Variants in NRXN3 observed in about 807,000 individuals in gnomAD.
The protein encoded by NRXN3 is neurexin III.
A neutral mutation model predicts 137.6 loss-of-function variants in NRXN3; 32 were observed. The ratio of observed to expected loss-of-function variants is 0.23; its 90% CI spans 0.18 to 0.31. The LOEUF is 0.31. Ranked by LOEUF, NRXN3 falls within the 10% of genes least tolerant of loss-of-function variation. NRXN3 has a pLI of 1.00. For missense variants in NRXN3, 1,574 were observed against 2,062.5 expected (o/e 0.76, Z 4.59); for synonymous variants, 798 against 784.5 (o/e 1.02, Z -0.29).
intron 4 of NRXN3, among the ~76,000 whole-genome samples, chr14:78,629,966 C>A (rs879359171): frequency 6.6e-6 from 1 of 152,198 alleles, no homozygotes; most frequent in African/African-American, 2.4e-5. Flanking sequence ...CACACTAACT[C>A]GATGCCCTTT....
At chr14:78,315,465 C>G (rs2078595049) in intron 4 of NRXN3, among the ~76,000 whole-genome samples, 1 of 152,200 alleles carries the variant, frequency 6.6e-6, no homozygotes, top group Admixed American at 6.5e-5. Flanking sequence ...TTGAGACACG[C>G]TGTGTTACAG....
At chr14:78,945,669 G>A (rs1467527576) in intron 10 of NRXN3, among the ~76,000 whole-genome samples, 1 of 152,164 alleles carries the variant, frequency 6.6e-6, no homozygotes, top group African/African-American at 2.4e-5. Context: ...GTTGTTAATG[G>A]GACCCATGTG....
chr14:78,559,879 A>G (rs2096771302), intron 4 of NRXN3, among the ~76,000 whole-genome samples: 1 of 152,214 alleles, frequency 6.6e-6, no homozygotes, highest in South Asian at 2.1e-4. Context: ...TGTGTCTCTT[A>G]TGACAACTAA....
chr14:79,040,383 T>A (rs2099623168), intron 15 of NRXN3, among the ~76,000 whole-genome samples: 1 of 152,140 alleles, frequency 6.6e-6, no homozygotes, highest in Admixed American at 6.6e-5. Flanking sequence ...CTAACAAAGA[T>A]TTAACCAAAA....
chr14:79,406,520 C>T (rs1475585586), intron 15 of NRXN3, among the ~76,000 whole-genome samples: 1 of 151,894 alleles, frequency 6.6e-6, no homozygotes, highest in African/African-American at 2.4e-5. Context: ...CCCAGCTGGT[C>T]TAGATCTCCT....
At chr14:78,310,313 G>C (rs138070487) in intron 4 of NRXN3, among the ~76,000 whole-genome samples, 1 of 132,454 alleles carries the variant, frequency 7.5e-6, no homozygotes, top group African/African-American at 2.9e-5. Flanking sequence ...TGAAGGAATT[G>C]CTTTCTGGTA....
intron 16 of NRXN3, among the ~76,000 whole-genome samples, chr14:79,574,748 A>G (rs570915975): frequency 1.3e-5 from 2 of 152,228 alleles, no homozygotes; most frequent in Admixed American, 6.5e-5. Flanking sequence ...TTTGGCCCAC[A>G]ATAAAGAAGA....
chr14:79,613,823 T>A (rs1272655092), intron 16 of NRXN3, among the ~76,000 whole-genome samples: 1 of 152,238 alleles, frequency 6.6e-6, no homozygotes, highest in Non-Finnish European at 1.5e-5. Flanking sequence ...TCATTTTAGC[T>A]TAGCAGGAAA....
chr14:79,351,088 A>C (rs921582546), intron 15 of NRXN3, among the ~76,000 whole-genome samples: 6 of 152,120 alleles, frequency 3.9e-5, no homozygotes, highest in African/African-American at 1.4e-4. Flanking sequence ...ATACTTTCAA[A>C]CTTTCAACTA....
chr14:79,316,746 C>CTCTCTCTG (rs2153233980), intron 15 of NRXN3, among the ~76,000 whole-genome samples: 1 of 152,028 alleles, frequency 6.6e-6, no homozygotes, highest in African/African-American at 2.4e-5. Context: ...CTCTCTCTCT[C>CTCTCTCTG]TCTCTCTCTC....
chr14:79,396,817 C>A (rs1446901953), intron 15 of NRXN3, among the ~76,000 whole-genome samples: 1 of 152,146 alleles, frequency 6.6e-6, no homozygotes, highest in African/African-American at 2.4e-5. Flanking sequence ...TCTTTTTCAA[C>A]TACTACATAT....
Position 79,641,591 on chromosome 14 carries a change from G to T in NRXN3, c.3445-22187G>T, listed in dbSNP as rs528302618. Reference sequence around the variant, plus strand: ...CTCCTTTGGACTGCAGGTCAGCTAGGATTGGCTCCAGGCTGGGATTAGGTT... The same window carrying T: ...CTCCTTTGGACTGCAGGTCAGCTAGTATTGGCTCCAGGCTGGGATTAGGTT... On this transcript the variant is annotated intron_variant, in intron 16 of 20. Coordinates refer to ENST00000335750, the MANE Select transcript of NRXN3 (RefSeq NM_001330195.2). Among the ~76,000 whole-genome samples, 3 of 135,226 alleles carry T rather than the reference G, an allele frequency of 2.2e-5. 1 individual carries two copies. The highest frequency in any genetic ancestry group is 3.4e-5 in the Non-Finnish European group (2 of 58,130). The allele number at this position is 135,226 out of a possible 152,430, so 88.7% of individuals were successfully genotyped here.
At chr14:79,334,630 C>T (rs2153341504) in intron 15 of NRXN3, among the ~76,000 whole-genome samples, 1 of 152,226 alleles carries the variant, frequency 6.6e-6, no homozygotes, top group African/African-American at 2.4e-5. Context: ...TTAAAATCAT[C>T]TTGGCGGCTG....
intron 15 of NRXN3, among the ~76,000 whole-genome samples, chr14:79,359,579 T>C (rs2093613092): frequency 6.6e-6 from 1 of 151,104 alleles, no homozygotes; most frequent in African/African-American, 2.4e-5. Context: ...TCTTTTTTTT[T>C]TTTTTTTTGG....
At chr14:79,641,545 G>T (rs77225340) in intron 16 of NRXN3, among the ~76,000 whole-genome samples, 2,081 of 135,548 alleles carry the variant, frequency 0.015, 184 homozygotes, top group African/African-American at 0.048. Flanking sequence ...GCTTGTCTCC[G>T]CTGGGCTCAG....
chr14:78,882,238 G>A (rs911772867), intron 10 of NRXN3, among the ~76,000 whole-genome samples: 2 of 151,806 alleles, frequency 1.3e-5, no homozygotes, highest in African/African-American at 4.9e-5. Flanking sequence ...GAAGGGAAAT[G>A]TGGGGTTGGA....
chr14:79,067,898 T>C (rs771274661), intron 15 of NRXN3, among the ~76,000 whole-genome samples: 16 of 152,040 alleles, frequency 1.1e-4, no homozygotes, highest in Non-Finnish European at 2.2e-4. Context: ...AAATATTTTT[T>C]AGACTTGATA....
At chr14:79,201,064 T>C (rs1030130094) in intron 15 of NRXN3, 3 of 152,108 alleles carry the variant, frequency 2.0e-5, no homozygotes, top group African/African-American at 7.2e-5. Flanking sequence ...CAAATTCAGT[T>C]CCTAGGACTT....
chr14:79,519,846 A>T (rs1179675285), intron 16 of NRXN3, among the ~76,000 whole-genome samples: 1 of 142,422 alleles, frequency 7.0e-6, no homozygotes, highest in Non-Finnish European at 1.5e-5. Flanking sequence ...TATCATGTGG[A>T]TTCTTAAAAA....
Sources: allele counts gnomAD v4.1 joint callset (sites outside exome capture counted in the v4.1 genomes callset), GRCh38; gene constraint gnomAD v4.1.1; transcripts MANE v1.5; gene names NCBI Gene and HGNC (gene_info 2026-07-23, HGNC 2026-07-21).